Variants in RNF19B observed in about 807,000 individuals in gnomAD.
RNF19B encodes E3 ubiquitin-protein ligase RNF19B.
RNF19B carries 23 observed loss-of-function variants against 65.5 expected under a neutral mutation model. The observed-to-expected ratio is 0.35, with a 90% CI of 0.25 to 0.50. The LOEUF (loss-of-function observed/expected upper bound fraction) is 0.50. Ranked by LOEUF, RNF19B falls within the 20% of genes least tolerant of loss-of-function variation. The pLI, the probability that RNF19B is intolerant of heterozygous loss-of-function variation, is 0.98. For missense variants in RNF19B, 794 were observed against 980.0 expected (o/e 0.81, Z 2.53); for synonymous variants, 372 against 379.6 (o/e 0.98, Z 0.23).
rs377749504 is a variant in RNF19B at position 32,947,924 on chromosome 1, G to A, written c.983+298C>T. 1.4e-4 allele frequency among the ~76,000 whole-genome samples: 21 copies of A among 152,252 alleles called. No homozygotes were observed. The East Asian group carries it at 3.3e-3, about 24-fold the overall frequency. On this transcript the variant is annotated intron_variant, in intron 3 of 8. Coordinates refer to ENST00000235150, the MANE Select transcript of RNF19B (RefSeq NM_001300826.2). ...AGAACTGAACAAGTTGAGATAAAAG[G>A]AGGATACTGGAAGGTAGGCAGAAAG...
chr1:32,938,387 G>C lies in RNF19B; in HGVS notation c.1742+10C>G. Reference sequence around the variant, plus strand: ...TGCAACCTCTCCTGGACATCTGACTGTTCACATACCTGTCCTGTGGGTTGT... The same window carrying C: ...TGCAACCTCTCCTGGACATCTGACTCTTCACATACCTGTCCTGTGGGTTGT... On this transcript the variant is annotated intron_variant, in intron 8 of 8. Coordinates refer to ENST00000235150, the MANE Select transcript of RNF19B (RefSeq NM_001300826.2). The C allele has an allele frequency of 6.2e-7, 1 of 1,614,034 alleles. No individual in the cohort carries two copies. The highest frequency in any genetic ancestry group is 8.5e-7 in the Non-Finnish European group (1 of 1,179,988).
intron 1 of RNF19B, among the ~76,000 whole-genome samples, chr1:32,960,934 G>C (rs1414628753): frequency 6.6e-6 from 1 of 152,026 alleles, no homozygotes; most frequent in African/African-American, 2.4e-5. Context: ...GATCGCCTGA[G>C]CCCAGGAGAT....
chr1:32,950,329 G>A (rs368821090), intron 1 of RNF19B, among the ~76,000 whole-genome samples: 2 of 152,256 alleles, frequency 1.3e-5, no homozygotes, highest in African/African-American at 4.8e-5. Context: ...AAAAGTGGAG[G>A]TGGAGTATCT....
At chr1:32,963,428 C>T (rs1183228802) in intron 1 of RNF19B, among the ~76,000 whole-genome samples, 3 of 152,106 alleles carry the variant, frequency 2.0e-5, no homozygotes, top group Non-Finnish European at 2.9e-5. Flanking sequence ...AGATACTCCC[C>T]ACCTTGGCCG....
At chr1:32,951,422 T>C (rs1437129509) in intron 1 of RNF19B, among the ~76,000 whole-genome samples, 1 of 150,278 alleles carries the variant, frequency 6.7e-6, no homozygotes, top group African/African-American at 2.4e-5. Context: ...TCTTTGCACT[T>C]GCAGGAGCCG....
intron 1 of RNF19B, among the ~76,000 whole-genome samples, chr1:32,953,694 AAAC>A (rs1642565005): frequency 1.3e-5 from 2 of 152,040 alleles, no homozygotes; most frequent in Non-Finnish European, 2.9e-5. Context: ...TACTAAAGAT[AAAC>A]AACGTGTCTC....
chr1:32,944,711 C>T (rs978427083), intron 5 of RNF19B, among the ~76,000 whole-genome samples: 3 of 151,020 alleles, frequency 2.0e-5, no homozygotes, highest in Non-Finnish European at 3.0e-5. Flanking sequence ...TTTTTTGAGA[C>T]GGAGTCTCAC....
intron 1 of RNF19B, among the ~76,000 whole-genome samples, chr1:32,951,366 G>A (rs984805226): frequency 3.9e-5 from 6 of 152,208 alleles, no homozygotes; most frequent in African/African-American, 1.4e-4. Context: ...CACAGCCCAC[G>A]GGGCAGCAGG....
At chr1:32,932,368 A>C (rs1642037869), downstream of RNF19B, among the ~76,000 whole-genome samples, 1 of 152,210 alleles carries the variant, frequency 6.6e-6, no homozygotes. Flanking sequence ...AGGTCTCTAC[A>C]TCTTGCAGGA....
chr1:32,931,130 G>C, the RNF19B span, among the ~76,000 whole-genome samples: 1 of 152,010 alleles, frequency 6.6e-6, no homozygotes, highest in African/African-American at 2.4e-5. Context: ...AATATGCTGA[G>C]TCCAGAACCT....
chr1:32,946,654 C>A, intron 3 of RNF19B, 90 bp from the exon 4 acceptor site: 1 of 1,149,334 alleles, frequency 8.7e-7, no homozygotes, highest in Non-Finnish European at 1.2e-6. Flanking sequence ...GCCTTCTTTT[C>A]AGTAAGGATT....
At chr1:32,948,138 A>T in intron 3 of RNF19B, 84 bp downstream of exon 3, 1 of 1,442,484 alleles carries the variant, frequency 6.9e-7, no homozygotes, top group South Asian at 1.3e-5. Context: ...TAATGAGAGA[A>T]CGGATGTGTC....
intron 1 of RNF19B, among the ~76,000 whole-genome samples, chr1:32,955,972 A>G (rs116190616): frequency 0.034 from 5,158 of 152,224 alleles, 283 homozygotes; most frequent in African/African-American, 0.11. Flanking sequence ...GCTCATGCCC[A>G]TAACCCCAGA....
In RNF19B at chr1:32,936,911, G is replaced by A. The variant is rs2124100163; in HGVS notation, c.2091C>T (p.Thr697=). 12 of 1,614,026 alleles carry A rather than the reference G, an allele frequency of 7.4e-6. No individual in the cohort carries two copies. The highest frequency in any genetic ancestry group is 1.0e-5 in the Non-Finnish European group (12 of 1,180,008). ...PRSHTAACPS[T]PRAQGAPSPS... ...GGCTCGGTGCACCTTGGGCTCTGGG[G>A]GTCGAGGGGCAGGCTGCAGTATGGG... The change falls in exon 9 of 9, where the codon ACC becomes ACT. Residue 697 remains threonine, a synonymous_variant. Coordinates refer to ENST00000235150, the MANE Select transcript of RNF19B (RefSeq NM_001300826.2).
intron 2 of RNF19B, 136 bp downstream of exon 2, chr1:32,949,433 A>G: frequency 1.5e-6 from 1 of 657,046 alleles, no homozygotes; most frequent in East Asian, 2.7e-5. Context: ...TAATATTGAA[A>G]GTATTATCAA....
At chr1:32,956,296 G>C (rs1365339753) in intron 1 of RNF19B, among the ~76,000 whole-genome samples, 1 of 152,208 alleles carries the variant, frequency 6.6e-6, no homozygotes, top group African/African-American at 2.4e-5. Flanking sequence ...AGAATCACTT[G>C]AATCCAGGAG....
intron 8 of RNF19B, among the ~76,000 whole-genome samples, chr1:32,938,086 A>G (rs1027604340): frequency 4.1e-5 from 6 of 147,036 alleles, no homozygotes; most frequent in Admixed American, 1.4e-4. Context: ...ATGAACATCA[A>G]TCTAGCTCTT....
At chr1:32,940,246 G>C (rs997057517) in intron 7 of RNF19B, among the ~76,000 whole-genome samples, 3 of 152,174 alleles carry the variant, frequency 2.0e-5, no homozygotes, top group Non-Finnish European at 4.4e-5. Flanking sequence ...TGCAACGGCT[G>C]TGCTAGAATT....
Position 32,936,645 on chromosome 1 carries a change from A to T in RNF19B, c.*161T>A, listed in dbSNP as rs1642104947. The T allele has an allele frequency of 5.5e-6, 4 of 728,208 alleles. No homozygotes were observed. In the South Asian group the frequency reaches 9.6e-5, roughly 18 times the overall value. The allele number at this position is 728,208 out of a possible 1,614,324, so 45.1% of individuals were successfully genotyped here. A position where few individuals can be genotyped will look rare whatever the true frequency, so the allele number is the denominator to read the frequency against. On this transcript the variant is annotated 3_prime_UTR_variant, in exon 9 of 9. Transcript: ENST00000235150. ...CAAACTTTTCATGTTTTATCTGGTA[A>T]GAAATTGTGAATTTCTCAGAATTTC...
Sources: allele counts gnomAD v4.1 joint callset (sites outside exome capture counted in the v4.1 genomes callset), GRCh38; gene constraint gnomAD v4.1.1; transcripts MANE v1.5; gene names NCBI Gene and HGNC (gene_info 2026-07-23, HGNC 2026-07-21).